Variants in B4GALNT3 observed in about 807,000 individuals in gnomAD.
B4GALNT3 encodes the protein beta-1,4-N-acetylgalactosaminyltransferase 3.
In B4GALNT3, 86 loss-of-function variants were observed where a neutral mutation model predicts 120.2. That is an observed-to-expected ratio of 0.72 (90% CI 0.60 to 0.86). The LOEUF is 0.86. Ranked by LOEUF, B4GALNT3 falls within the 40% of genes least tolerant of loss-of-function variation. The pLI, the probability that B4GALNT3 is intolerant of heterozygous loss-of-function variation, is 0.00. For missense variants in B4GALNT3, 1,167 were observed against 1,298.9 expected (o/e 0.90, Z 1.56); for synonymous variants, 518 against 510.4 (o/e 1.01, Z -0.20).
Position 553,883 on chromosome 12 carries a change from G to A in B4GALNT3, c.1960G>A (p.Asp654Asn), listed in dbSNP as rs1180114936. ...CCAAGCCCTGAGGACTGACTGGATC[G>A]ATCTGAGCTGTAACACATCTGGCAA... is the stretch of plus-strand genomic sequence containing the variant. ...DFQALRTDWI[D>N]LSCNTSGNLL... Residue 654 changes from aspartate to asparagine, a missense_variant, in exon 14 of 20, where the codon GAT (aspartate) becomes AAT (asparagine). Asp to Asn is a conservative substitution (Grantham distance 23). This residue lies in a region of B4GALNT3 where 983 missense variants were observed against 1,102.5 expected (regional missense o/e 0.89). Transcript: ENST00000266383. The A allele has an allele frequency of 4.3e-6, 7 of 1,614,050 alleles. No homozygotes were observed. Among genetic ancestry groups the A allele is most frequent in the Non-Finnish European group, 5.9e-6 (7 of 1,180,026 alleles).
intron 17 of B4GALNT3, 114 bp downstream of exon 17, chr12:558,202 C>T (rs1947182344): frequency 1.7e-6 from 2 of 1,157,024 alleles, no homozygotes; most frequent in Non-Finnish European, 2.5e-6. Context: ...AATGAGGACA[C>T]AGGAGGTCCT....
intron 1 of B4GALNT3, among the ~76,000 whole-genome samples, chr12:523,228 C>T (rs114774233): frequency 1.6e-3 from 239 of 152,248 alleles, no homozygotes; most frequent in African/African-American, 5.3e-3. Context: ...CAGCAGATGC[C>T]TAATCGGTTC....
At chr12:461,231 C>T (rs1489362187) in intron 1 of B4GALNT3, among the ~76,000 whole-genome samples, 1 of 151,078 alleles carries the variant, frequency 6.6e-6, no homozygotes, top group Admixed American at 6.6e-5. Context: ...CTGAGCAAAT[C>T]TACCAAACTC....
intron 1 of B4GALNT3, among the ~76,000 whole-genome samples, chr12:532,843 C>T (rs1946820459): frequency 6.6e-6 from 1 of 152,192 alleles, no homozygotes; most frequent in Non-Finnish European, 1.5e-5. Flanking sequence ...ACCCACAATG[C>T]TAGTTCATTG....
chr12:466,129 T>G (rs1021909308), intron 1 of B4GALNT3, among the ~76,000 whole-genome samples: 3 of 152,046 alleles, frequency 2.0e-5, no homozygotes, highest in African/African-American at 7.2e-5. Context: ...TGCCTGCCAC[T>G]CCCTGTCCTG....
chr12:492,514 C>T (rs190694385), intron 1 of B4GALNT3, among the ~76,000 whole-genome samples: 35 of 152,258 alleles, frequency 2.3e-4, no homozygotes, highest in Admixed American at 2.0e-3. Context: ...CAGGAAGAAT[C>T]GATATTGTCA....
chr12:546,607 C>T, intron 6 of B4GALNT3, 39 bp from the exon 7 acceptor site: 1 of 1,535,006 alleles, frequency 6.5e-7, no homozygotes, highest in Non-Finnish European at 8.8e-7. Flanking sequence ...TTCCTGTTTT[C>T]TCTGTTCCTC....
At chr12:515,913 G>A (rs550002815) in intron 1 of B4GALNT3, among the ~76,000 whole-genome samples, 1 of 152,208 alleles carries the variant, frequency 6.6e-6, no homozygotes, top group Non-Finnish European at 1.5e-5. Flanking sequence ...TGAGACTGGT[G>A]GATCACGAGG....
chr12:511,312 C>CTT (rs57525222), intron 1 of B4GALNT3, among the ~76,000 whole-genome samples: 1 of 103,476 alleles, frequency 9.7e-6, no homozygotes, highest in Non-Finnish European at 2.1e-5. Context: ...CTTCCACCTT[C>CTT]CGCCTTCTGC....
At chr12:512,498 T>C in intron 1 of B4GALNT3, among the ~76,000 whole-genome samples, 1 of 141,366 alleles carries the variant, frequency 7.1e-6, no homozygotes. Context: ...GCCTTCCACC[T>C]TCTACCTTCT....
At position 485,310 on chromosome 12, in the gene B4GALNT3, T is replaced by C. The variant is rs201078507; in HGVS notation, c.169+24765T>C. 2.6e-5 allele frequency among the ~76,000 whole-genome samples: 4 copies of C among 152,030 alleles called. No homozygotes were observed. In the East Asian group the frequency reaches 5.8e-4, roughly 22 times the overall value. On this transcript the variant is annotated intron_variant, in intron 1 of 19. Transcript: ENST00000266383. Reference sequence around the variant, plus strand: ...TACTTACAGTCCAAGGGCAGCAAAGTTGAGAGAAAAGGAGGGAGAAACCAG... The same window carrying C: ...TACTTACAGTCCAAGGGCAGCAAAGCTGAGAGAAAAGGAGGGAGAAACCAG...
At chr12:543,833 T>G (rs1946953310) in intron 3 of B4GALNT3, among the ~76,000 whole-genome samples, 1 of 129,334 alleles carries the variant, frequency 7.7e-6, no homozygotes, top group African/African-American at 3.0e-5. Context: ...GGGATGGGCA[T>G]GGGGTGCTCA....
In B4GALNT3 at chr12:460,041, G is replaced by A. The variant is rs1284848505; in HGVS notation, c.-336G>A. On this transcript the variant is annotated 5_prime_UTR_variant, in exon 1 of 20. Coordinates refer to ENST00000266383, the MANE Select transcript of B4GALNT3 (RefSeq NM_173593.4). The surrounding 1 kb of genome is among the most constrained non-coding windows in gnomAD (Gnocchi z 8.0). The stretch of plus-strand genomic sequence containing the variant: ...GGGCGCCGGGGAAGCCTCCTTCTGG[G>A]CAGCGAGTGAGGGCGGGCGCGCAGG... Among the ~76,000 whole-genome samples, 1 of 150,950 alleles carries A rather than the reference G, an allele frequency of 6.6e-6. No individual in the cohort carries two copies. The highest frequency in any genetic ancestry group is 2.4e-5 in the African/African-American group (1 of 41,300).
rs532426053 is a variant in B4GALNT3, at chr12:521,807, C to T, written c.170-13359C>T. Among the ~76,000 whole-genome samples, 16 of 152,210 alleles carry T rather than the reference C, an allele frequency of 1.1e-4. No individual in the cohort carries two copies. The South Asian group carries it at 3.1e-3, about 30-fold the overall frequency. The stretch of plus-strand genomic sequence containing the variant: ...CACTGAGGACAGGCAACCAACAGTT[C>T]GCAGACCTCTATCGGCACTGAGCTG... On this transcript the variant is annotated intron_variant, in intron 1 of 19. Transcript: ENST00000266383.
rs575671953 is a variant in B4GALNT3 at position 556,381 on chromosome 12, C to T, written c.2061-166C>T. On this transcript the variant is annotated intron_variant, in intron 14 of 19. Coordinates refer to ENST00000266383, the MANE Select transcript of B4GALNT3 (RefSeq NM_173593.4). Reference sequence around the variant, plus strand: ...ATTTTCAAAGAGGGAGGCAGCGAACCCTAGAGAGATTGCGAATCTTGCCTG... The same window carrying T: ...ATTTTCAAAGAGGGAGGCAGCGAACTCTAGAGAGATTGCGAATCTTGCCTG... Among the ~76,000 whole-genome samples the T allele has an allele frequency of 3.3e-4, 50 of 152,252 alleles. No homozygotes were observed. The South Asian group carries it at 9.3e-3, about 28-fold the overall frequency.
At chr12:491,113 G>T (rs1238163200) in intron 1 of B4GALNT3, among the ~76,000 whole-genome samples, 1 of 152,118 alleles carries the variant, frequency 6.6e-6, no homozygotes, top group African/African-American at 2.4e-5. Context: ...TATGAACATA[G>T]ATGCAAAAAT....
In B4GALNT3 at chr12:548,084, C is replaced by T. The variant is rs369928928; in HGVS notation, c.768C>T (p.Thr256=). The change falls in exon 8 of 20, where the codon ACC becomes ACT. Residue 256 remains threonine, a synonymous_variant. Coordinates refer to ENST00000266383, the MANE Select transcript of B4GALNT3 (RefSeq NM_173593.4). The surrounding 1 kb of genome is among the most constrained non-coding windows in gnomAD (Gnocchi z 4.9). ...EVLHKQNEEG[T]DHVEVAWRRN... Reference sequence around the variant, plus strand: ...TGCACAAGCAGAATGAGGAGGGCACCGACCACGTGGAAGTTGCAGTGAGTT... The same window carrying T: ...TGCACAAGCAGAATGAGGAGGGCACTGACCACGTGGAAGTTGCAGTGAGTT... The T allele has an allele frequency of 3.1e-6, 5 of 1,613,846 alleles. No homozygotes were observed. Among genetic ancestry groups the T allele is most frequent in the South Asian group, 1.1e-5 (1 of 91,074 alleles).
chr12:496,078 C>T (rs902444433), intron 1 of B4GALNT3, among the ~76,000 whole-genome samples: 9 of 152,060 alleles, frequency 5.9e-5, no homozygotes, highest in African/African-American at 1.7e-4. Context: ...TTGCAGAGAA[C>T]CCTAAATATG....
At position 556,589 on chromosome 12, in the gene B4GALNT3, G is replaced by A. The variant is rs746345607; in HGVS notation, c.2103G>A (p.Gln701=). The A allele has an allele frequency of 6.2e-7, 1 of 1,614,052 alleles. No individual in the cohort carries two copies. Among genetic ancestry groups the A allele is most frequent in the South Asian group, 1.1e-5 (1 of 91,084 alleles). Residue 701 remains glutamine (Q), a synonymous_variant, in exon 15 of 20, where the codon CAG becomes CAA. Transcript: ENST00000266383. ...LQRIVNVEKR[Q]DQLRGGRYLL... is the part of the protein sequence containing the mutation. Reference sequence around the variant, plus strand: ...GCATTGTGAACGTGGAAAAGCGTCAGGACCAGCTACGTGGGGGTCGCTACC... The same window carrying A: ...GCATTGTGAACGTGGAAAAGCGTCAAGACCAGCTACGTGGGGGTCGCTACC...
Sources: allele counts gnomAD v4.1 joint callset (sites outside exome capture counted in the v4.1 genomes callset), GRCh38; gene constraint gnomAD v4.1.1; regional missense constraint gnomAD v4.1.1; non-coding constraint Gnocchi (gnomAD v3.1); transcripts MANE v1.5; gene names NCBI Gene and HGNC (gene_info 2026-07-23, HGNC 2026-07-21).